The following ADCY8 variants were observed in gnomAD, a reference collection of about 807,000 sequenced individuals.
ADCY8 encodes the protein adenylate cyclase 8.
A neutral mutation model predicts 119.7 loss-of-function variants in ADCY8; 51 were observed. That is an observed-to-expected ratio of 0.43 (90% CI 0.34 to 0.54). The LOEUF (loss-of-function observed/expected upper bound fraction) is 0.54. Among genes scored for constraint, ADCY8 ranks in the 20% least tolerant of loss-of-function variants. ADCY8 has a pLI of 0.03. For missense variants in ADCY8, 1,383 were observed against 1,598.8 expected (o/e 0.87, Z 2.30); for synonymous variants, 665 against 651.0 (o/e 1.02, Z -0.33).
intron 16 of ADCY8, among the ~76,000 whole-genome samples, chr8:130,784,364 T>C (rs1391471389): frequency 6.6e-6 from 1 of 152,210 alleles, no homozygotes; most frequent in Non-Finnish European, 1.5e-5. Flanking sequence ...CATAAGCCTC[T>C]GGGCCTCTCT....
intron 14 of ADCY8, among the ~76,000 whole-genome samples, chr8:130,807,976 T>C: frequency 1.8e-5 from 1 of 56,574 alleles, no homozygotes. Context: ...AGAGCGAGAC[T>C]CCGTCTCAAA....
At chr8:130,818,147 T>C (rs1039906121) in intron 13 of ADCY8, among the ~76,000 whole-genome samples, 1 of 152,218 alleles carries the variant, frequency 6.6e-6, no homozygotes, top group African/African-American at 2.4e-5. Flanking sequence ...CTGTAAGAAA[T>C]GACAGCCCTG....
In ADCY8 at chr8:131,033,187, A is replaced by G. The variant is rs374388243; in HGVS notation, c.960+6187T>C. ...CAAGTGTCTCCTATGTTTTGGAAATAAACACATGTAGAATCAACTTAAATA... is the reference window on the plus strand; with the variant it reads ...CAAGTGTCTCCTATGTTTTGGAAATGAACACATGTAGAATCAACTTAAATA... On this transcript the variant is annotated intron_variant, in intron 1 of 17. Coordinates refer to ENST00000286355, the MANE Select transcript of ADCY8 (RefSeq NM_001115.3). Among the ~76,000 whole-genome samples the G allele has an allele frequency of 3.3e-5, 5 of 152,218 alleles. No individual in the cohort carries two copies. The East Asian group carries it at 9.6e-4, about 29-fold the overall frequency.
chr8:130,906,927 G>A (rs1819805398), intron 6 of ADCY8, among the ~76,000 whole-genome samples: 1 of 151,544 alleles, frequency 6.6e-6, no homozygotes, highest in Admixed American at 6.6e-5. Context: ...GCTGAAACTG[G>A]CCCAGAAGTA....
chr8:130,858,523 A>G (rs1206634804), intron 9 of ADCY8, among the ~76,000 whole-genome samples: 1 of 152,174 alleles, frequency 6.6e-6, no homozygotes, highest in Non-Finnish European at 1.5e-5. Flanking sequence ...TCCCATTAAC[A>G]TAACTTATCA....
At chr8:130,809,158 G>A (rs940569780) in intron 14 of ADCY8, among the ~76,000 whole-genome samples, 1 of 152,196 alleles carries the variant, frequency 6.6e-6, no homozygotes, top group African/African-American at 2.4e-5. Context: ...GATGGTTTGA[G>A]TCATCCTTTG....
intron 2 of ADCY8, among the ~76,000 whole-genome samples, chr8:130,960,289 T>C (rs1821559932): frequency 6.6e-6 from 1 of 152,178 alleles, no homozygotes; most frequent in South Asian, 2.1e-4. Context: ...TACTCTGGAC[T>C]GGGAAAGAAA....
chr8:130,997,077 G>A (rs1355328513), intron 1 of ADCY8, among the ~76,000 whole-genome samples: 1 of 152,092 alleles, frequency 6.6e-6, no homozygotes, highest in Non-Finnish European at 1.5e-5. Context: ...ATTGTGGTCT[G>A]TGTAAACAAA....
chr8:131,039,934 A>G lies in ADCY8; in HGVS notation c.400T>C (p.Cys134Arg). The G allele has an allele frequency of 6.2e-7, 1 of 1,606,236 alleles. No individual in the cohort carries two copies. The highest frequency in any genetic ancestry group is 8.5e-7 in the Non-Finnish European group (1 of 1,176,344). Residue 134 changes from cysteine (C) to arginine (R), a missense_variant, in exon 1 of 18, where the codon TGT (cysteine) becomes CGT (arginine). Physicochemically the swap from Cys to Arg is radical, Grantham distance 180. Around this residue, in one of 2 missense-constraint regions of ADCY8, gnomAD observed 455 missense variants for 435.3 expected, o/e 1.05. Coordinates refer to ENST00000286355, the MANE Select transcript of ADCY8 (RefSeq NM_001115.3). ...AAGAAATCCGAGTTGCTAGGGGCACAGTCAAGGTGCAGGAAGCCCAGGTCG... is the reference window on the plus strand; with the variant it reads ...AAGAAATCCGAGTTGCTAGGGGCACGGTCAAGGTGCAGGAAGCCCAGGTCG... ...GGDLGFLHLD[C>R]APSNSDFFLN...
chr8:130,820,455 A>C (rs972066621), intron 13 of ADCY8, among the ~76,000 whole-genome samples: 10 of 152,234 alleles, frequency 6.6e-5, no homozygotes, highest in Non-Finnish European at 1.0e-4. Context: ...TGAGGGAGGC[A>C]GTGCCTGATT....
At chr8:130,924,340 C>T (rs1395239151) in intron 5 of ADCY8, among the ~76,000 whole-genome samples, 2 of 152,188 alleles carry the variant, frequency 1.3e-5, no homozygotes, top group Non-Finnish European at 2.9e-5. Flanking sequence ...TGGAGATCCA[C>T]TGCTTATCCA....
intron 1 of ADCY8, among the ~76,000 whole-genome samples, chr8:131,005,885 C>T (rs2130770859): frequency 6.6e-6 from 1 of 152,278 alleles, no homozygotes; most frequent in South Asian, 2.1e-4. Context: ...CATCTCAAAA[C>T]TTTGCTTCAG....
At chr8:130,935,738 G>A (rs1285959751) in intron 5 of ADCY8, among the ~76,000 whole-genome samples, 7 of 152,188 alleles carry the variant, frequency 4.6e-5, no homozygotes, top group African/African-American at 1.2e-4. Context: ...TCAACCAAAC[G>A]TGGTTTTTCC....
intron 7 of ADCY8, among the ~76,000 whole-genome samples, chr8:130,885,973 TCA>T (rs143408802): frequency 1.3e-3 from 205 of 152,056 alleles, no homozygotes; most frequent in African/African-American, 4.8e-3. Flanking sequence ...TCGATGAGCC[TCA>T]GAGAGACTTG....
At chr8:131,014,324 G>C (rs1390669976) in intron 1 of ADCY8, among the ~76,000 whole-genome samples, 1 of 152,068 alleles carries the variant, frequency 6.6e-6, no homozygotes, top group East Asian at 1.9e-4. Flanking sequence ...AAGTGCAATG[G>C]GTTTTGGTCT....
In ADCY8 at chr8:131,039,610, G is replaced by C; in HGVS notation, c.724C>G (p.Leu242Val). 1 of 1,614,098 alleles carries C rather than the reference G, an allele frequency of 6.2e-7. No homozygotes were observed. The highest frequency in any genetic ancestry group is 8.5e-7 in the Non-Finnish European group (1 of 1,180,024). The change falls in exon 1 of 18, where the codon CTG (leucine) becomes GTG (valine). Residue 242 changes from leucine to valine, a missense_variant. Physicochemically the swap from Leu to Val is conservative, Grantham distance 32 (BLOSUM62 1). Coordinates refer to ENST00000286355, the MANE Select transcript of ADCY8 (RefSeq NM_001115.3). ...VRKDTTSHTY[L>V]QYSGVVTWVA... ...CAGGTGACCACGCCGCTGTACTGCA[G>C]GTACGTGTGGGAGGTGGTGTCCTTC...
chr8:130,907,846 G>A (rs1819841114), intron 6 of ADCY8, among the ~76,000 whole-genome samples: 1 of 152,134 alleles, frequency 6.6e-6, no homozygotes, highest in African/African-American at 2.4e-5. Flanking sequence ...CCTCACACAG[G>A]TAGTGAACAT....
chr8:130,981,269 A>G (rs1822231854), intron 2 of ADCY8, among the ~76,000 whole-genome samples: 1 of 152,206 alleles, frequency 6.6e-6, no homozygotes, highest in Non-Finnish European at 1.5e-5. Context: ...GGTGTGACTC[A>G]TGCAAAATAG....
intron 1 of ADCY8, among the ~76,000 whole-genome samples, chr8:131,004,668 T>C (rs889846801): frequency 6.6e-6 from 1 of 152,192 alleles, no homozygotes; most frequent in Non-Finnish European, 1.5e-5. Flanking sequence ...GTGCCTCCTA[T>C]AGGTCAAGCA....
Sources: allele counts gnomAD v4.1 joint callset (sites outside exome capture counted in the v4.1 genomes callset), GRCh38; gene constraint gnomAD v4.1.1; regional missense constraint gnomAD v4.1.1; transcripts MANE v1.5; gene names NCBI Gene and HGNC (gene_info 2026-07-23, HGNC 2026-07-21).